Variants in ZFPM2 observed in about 807,000 individuals in gnomAD.
ZFPM2 encodes the protein zinc finger protein, FOG family member 2.
A neutral mutation model predicts 98.6 loss-of-function variants in ZFPM2; 20 were observed. The observed-to-expected ratio is 0.20, with a 90% CI of 0.14 to 0.29. The LOEUF is 0.29. Among genes scored for constraint, ZFPM2 ranks in the 10% least tolerant of loss-of-function variants. The probability of loss-of-function intolerance (pLI) is 1.00; values close to 1 mark genes in which losing one functional copy is unlikely to be tolerated. For synonymous variants in ZFPM2, 518 were observed against 502.7 expected, an observed-to-expected ratio of 1.03 and a Z score of -0.41; for missense variants, 1,310 against 1,388.6, an observed-to-expected ratio of 0.94 and a Z score of 0.90.
intron 3 of ZFPM2, among the ~76,000 whole-genome samples, chr8:105,478,694 T>G (rs1436830176): frequency 3.9e-5 from 6 of 152,252 alleles, no homozygotes; most frequent in Non-Finnish European, 7.3e-5. Context: ...TTTGCAAGTC[T>G]CTTCTCTGTA....
chr8:105,333,904 G>C (rs1013039631), intron 1 of ZFPM2, among the ~76,000 whole-genome samples: 1 of 151,636 alleles, frequency 6.6e-6, no homozygotes, highest in African/African-American at 2.4e-5. Context: ...GCAAGAAATT[G>C]TTGATGGTTT....
Position 105,713,567 on chromosome 8 carries a change from A to C in ZFPM2, c.533-75151A>C, listed in dbSNP as rs765703947. Among the ~76,000 whole-genome samples, 152 of 151,830 alleles carry C rather than the reference A, an allele frequency of 1.0e-3. 3 individuals carry two copies. The highest frequency in any genetic ancestry group is 3.4e-3 in the Middle Eastern group (1 of 294). On this transcript the variant is annotated intron_variant, in intron 5 of 7. Transcript: ENST00000407775. ...TTTGTTTTTGTTGCAAGAACTTTTG[A>C]GGACTTAGTCATAAATTCTTTACCT...
At chr8:105,548,424 C>T (rs1316784546) in intron 3 of ZFPM2, among the ~76,000 whole-genome samples, 3 of 151,890 alleles carry the variant, frequency 2.0e-5, no homozygotes, top group East Asian at 1.9e-4. Flanking sequence ...CAATATTGAA[C>T]GACAGAAACT....
rs1813584966 is a variant in ZFPM2 at position 105,790,773 on chromosome 8, G to T, written c.739+1849G>T. Among the ~76,000 whole-genome samples, 5 of 152,282 alleles carry T rather than the reference G, an allele frequency of 3.3e-5. No individual in the cohort carries two copies. The South Asian group carries it at 8.3e-4, about 25-fold the overall frequency. ...TTTGTATCCTCTTTTATTTCATTGA[G>T]CAGTGGTTTGTAGTTCTCCTTGAAG... On this transcript the variant is annotated intron_variant, in intron 6 of 7. Transcript: ENST00000407775.
intron 3 of ZFPM2, among the ~76,000 whole-genome samples, chr8:105,494,183 GTATATA>G (rs61035457): frequency 0.18 from 10,855 of 59,766 alleles, 889 homozygotes; most frequent in Admixed American, 0.25. Context: ...GCCACCAAAA[GTATATA>G]TATATATATA....
intron 1 of ZFPM2, among the ~76,000 whole-genome samples, chr8:105,357,593 A>C (rs1203730920): frequency 6.6e-6 from 1 of 152,196 alleles, no homozygotes; most frequent in Non-Finnish European, 1.5e-5. Flanking sequence ...TATTTATAAC[A>C]AACTTTTTTT....
At chr8:105,553,962 C>T (rs1814924654) in intron 3 of ZFPM2, among the ~76,000 whole-genome samples, 1 of 152,076 alleles carries the variant, frequency 6.6e-6, no homozygotes, top group Non-Finnish European at 1.5e-5. Context: ...ATTAAAGAGT[C>T]AGAAGGGATA....
intron 3 of ZFPM2, among the ~76,000 whole-genome samples, chr8:105,481,890 C>T (rs192828741): frequency 6.6e-6 from 1 of 152,166 alleles, no homozygotes; most frequent in South Asian, 2.1e-4. Flanking sequence ...TCAGCAACAA[C>T]AGCAACTTAT....
At chr8:105,531,656 C>T (rs879695682) in intron 3 of ZFPM2, among the ~76,000 whole-genome samples, 3 of 152,030 alleles carry the variant, frequency 2.0e-5, no homozygotes, top group Non-Finnish European at 4.4e-5. Flanking sequence ...CCTATAGTAC[C>T]TCTGAAAGAG....
intron 1 of ZFPM2, among the ~76,000 whole-genome samples, chr8:105,400,134 T>C (rs1395768236): frequency 1.3e-5 from 2 of 152,216 alleles, no homozygotes; most frequent in East Asian, 3.8e-4. Flanking sequence ...GCTTCGTGAT[T>C]CTTTCATTGT....
chr8:105,524,751 C>T (rs1814138249), intron 3 of ZFPM2, among the ~76,000 whole-genome samples: 1 of 152,082 alleles, frequency 6.6e-6, no homozygotes, highest in African/African-American at 2.4e-5. Flanking sequence ...TGTACGAGTG[C>T]CCTTATGTGG....
intron 3 of ZFPM2, among the ~76,000 whole-genome samples, chr8:105,560,169 C>CAA (rs34623592): frequency 5.9e-5 from 4 of 67,586 alleles, no homozygotes; most frequent in East Asian, 4.2e-4. Flanking sequence ...AACTCTGTCT[C>CAA]AAAAAAAAAA....
intron 5 of ZFPM2, among the ~76,000 whole-genome samples, chr8:105,674,539 C>A (rs895741765): frequency 1.3e-5 from 2 of 152,126 alleles, no homozygotes; most frequent in Non-Finnish European, 2.9e-5. Flanking sequence ...GTTCATTTCT[C>A]CTCATTGCCT....
At chr8:105,413,892 G>T (rs1277021912) in intron 1 of ZFPM2, among the ~76,000 whole-genome samples, 1 of 151,842 alleles carries the variant, frequency 6.6e-6, no homozygotes, top group African/African-American at 2.4e-5. Context: ...GGAATAAAAA[G>T]GTTTGGAAAT....
chr8:105,593,282 A>C (rs1286457459), intron 4 of ZFPM2, among the ~76,000 whole-genome samples: 1 of 152,122 alleles, frequency 6.6e-6, no homozygotes, highest in Non-Finnish European at 1.5e-5. Context: ...AATTACCAAA[A>C]TTCTGTCTTC....
At chr8:105,443,988 A>G (rs529507950) in intron 2 of ZFPM2, among the ~76,000 whole-genome samples, 24 of 152,296 alleles carry the variant, frequency 1.6e-4, no homozygotes, top group Non-Finnish European at 2.6e-4. Flanking sequence ...TATAAACTGC[A>G]ATTTCATTTT....
chr8:105,345,643 C>T (rs1484183039), intron 1 of ZFPM2, among the ~76,000 whole-genome samples: 4 of 152,002 alleles, frequency 2.6e-5, no homozygotes, highest in African/African-American at 7.2e-5. Flanking sequence ...AAGAGGAAGA[C>T]ATACTGTTCA....
At chr8:105,753,760 C>T (rs548584583) in intron 5 of ZFPM2, among the ~76,000 whole-genome samples, 144 of 152,158 alleles carry the variant, frequency 9.5e-4, no homozygotes, top group Admixed American at 2.0e-3. Context: ...ATTTCCTAAC[C>T]ACAAAGTGGT....
intron 2 of ZFPM2, among the ~76,000 whole-genome samples, chr8:105,428,756 A>G (rs1811961591): frequency 6.6e-6 from 1 of 152,324 alleles, no homozygotes; most frequent in Admixed American, 6.5e-5. Context: ...GGAAAAGGGC[A>G]TTGTTTGCAG....
Sources: allele counts gnomAD v4.1 joint callset (sites outside exome capture counted in the v4.1 genomes callset), GRCh38; gene constraint gnomAD v4.1.1; transcripts MANE v1.5; gene names NCBI Gene and HGNC (gene_info 2026-07-23, HGNC 2026-07-21).